UNC13C: variants seen among roughly 807,000 people sequenced by gnomAD.
UNC13C encodes protein unc-13 homolog C.
Under a neutral mutation model 245.4 loss-of-function variants are expected in UNC13C, and 174 were observed. The ratio of observed to expected loss-of-function variants is 0.71; its 90% CI spans 0.63 to 0.80. The LOEUF is 0.80. Among genes scored for constraint, UNC13C ranks in the 30% least tolerant of loss-of-function variants. The probability of loss-of-function intolerance (pLI) is 0.00; values close to 1 mark genes in which losing one functional copy is unlikely to be tolerated. For synonymous variants in UNC13C, 992 were observed against 895.1 expected (o/e 1.11, Z -1.93); for missense variants, 2,829 against 2,602.9 (o/e 1.09, Z -1.89).
At chr15:54,007,717 A>T (rs191728276) in intron 1 of UNC13C, among the ~76,000 whole-genome samples, 6 of 152,180 alleles carry the variant, frequency 3.9e-5, no homozygotes, top group African/African-American at 1.4e-4. Flanking sequence ...CATGGCACAC[A>T]TTTATCTATG....
intron 19 of UNC13C, among the ~76,000 whole-genome samples, chr15:54,419,990 C>A (rs1404383977): frequency 6.6e-6 from 1 of 151,840 alleles, no homozygotes; most frequent in Non-Finnish European, 1.5e-5. Flanking sequence ...TACAACATAC[C>A]CCCTTTCTAG....
intron 2 of UNC13C, among the ~76,000 whole-genome samples, chr15:54,034,144 A>G (rs2141022163): frequency 6.6e-6 from 1 of 152,342 alleles, no homozygotes; most frequent in South Asian, 2.1e-4. Flanking sequence ...CTTTGCCAGC[A>G]GGCTTGTGGT....
the UNC13C span, among the ~76,000 whole-genome samples, chr15:53,845,501 A>T: frequency 6.6e-6 from 1 of 152,144 alleles, no homozygotes; most frequent in Non-Finnish European, 1.5e-5. Context: ...ACAATGTCCT[A>T]TGATATGAAG....
intron 4 of UNC13C, among the ~76,000 whole-genome samples, chr15:54,214,877 C>T (rs1251025486): frequency 6.6e-6 from 1 of 151,822 alleles, no homozygotes; most frequent in African/African-American, 2.4e-5. Context: ...AGAAGTGTGA[C>T]TTAGATGTTT....
intron 17 of UNC13C, among the ~76,000 whole-genome samples, chr15:54,351,186 T>C (rs1467201181): frequency 2.0e-5 from 3 of 152,048 alleles, no homozygotes; most frequent in African/African-American, 7.2e-5. Flanking sequence ...GACTCTAGTA[T>C]TTCCCAAATT....
At chr15:54,572,185 C>T (rs1035194767) in intron 30 of UNC13C, among the ~76,000 whole-genome samples, 7 of 151,970 alleles carry the variant, frequency 4.6e-5, no homozygotes, top group Admixed American at 2.0e-4. Flanking sequence ...GTGCCCTGAC[C>T]TCTATGTACA....
intron 17 of UNC13C, among the ~76,000 whole-genome samples, chr15:54,384,185 G>T (rs559237217): frequency 6.6e-6 from 1 of 152,170 alleles, no homozygotes; most frequent in African/African-American, 2.4e-5. Flanking sequence ...AACAAGTAAA[G>T]AGCTGAAATA....
chr15:53,845,143 G>A, the UNC13C span, among the ~76,000 whole-genome samples: 1 of 151,948 alleles, frequency 6.6e-6, no homozygotes, highest in Admixed American at 6.6e-5. Flanking sequence ...GGCCAATACA[G>A]TGAAACCTCG....
chr15:54,076,036 A>G (rs12440621), intron 2 of UNC13C, among the ~76,000 whole-genome samples: 68,879 of 143,280 alleles, frequency 0.48, 18,096 homozygotes, highest in Non-Finnish European at 0.6. Context: ...GTTCTAGGTC[A>G]CCTCTTTCTG....
chr15:54,528,085 T>C (rs1040367437), intron 25 of UNC13C, among the ~76,000 whole-genome samples: 3 of 152,234 alleles, frequency 2.0e-5, no homozygotes, highest in Non-Finnish European at 4.4e-5. Context: ...TTAAAACTCA[T>C]AATTAAATAA....
chr15:54,028,124 G>A (rs1896194918), intron 2 of UNC13C, among the ~76,000 whole-genome samples: 2 of 152,332 alleles, frequency 1.3e-5, no homozygotes, highest in Middle Eastern at 3.4e-3. Context: ...ACTTACTGTA[G>A]TGAGTGTTGG....
At chr15:54,016,869 T>A (rs1895683772) in intron 2 of UNC13C, among the ~76,000 whole-genome samples, 1 of 152,326 alleles carries the variant, frequency 6.6e-6, no homozygotes, top group African/African-American at 2.4e-5. Flanking sequence ...TTAATTAAGC[T>A]ATTACTCTAC....
Position 54,002,058 on chromosome 15 carries a change from G to T in UNC13C, c.-256-10590G>T, listed in dbSNP as rs564547782. Among the ~76,000 whole-genome samples the T allele has an allele frequency of 2.4e-3, 372 of 152,292 alleles. 2 individuals are homozygous for T. The highest frequency in any genetic ancestry group is 3.2e-3 in the Non-Finnish European group (215 of 68,022). Reference sequence around the variant, plus strand: ...TCCCAACACTTTGGGAGGCCGAGGCGGGTGGATCACGAAGTCAGGAGATCG... The same window carrying T: ...TCCCAACACTTTGGGAGGCCGAGGCTGGTGGATCACGAAGTCAGGAGATCG... On this transcript the variant is annotated intron_variant, in intron 1 of 32. Transcript: ENST00000260323.
At chr15:54,171,548 A>G (rs1031990318) in intron 4 of UNC13C, among the ~76,000 whole-genome samples, 1 of 152,164 alleles carries the variant, frequency 6.6e-6, no homozygotes. Flanking sequence ...CAAAACTACA[A>G]TGTAATATCA....
intron 19 of UNC13C, among the ~76,000 whole-genome samples, chr15:54,423,121 A>C (rs1342360893): frequency 6.6e-6 from 1 of 151,800 alleles, no homozygotes; most frequent in Non-Finnish European, 1.5e-5. Flanking sequence ...AATATATAGC[A>C]TACATATATG....
chr15:54,170,131 T>A (rs907682502), intron 4 of UNC13C, among the ~76,000 whole-genome samples: 5 of 152,044 alleles, frequency 3.3e-5, no homozygotes, highest in Admixed American at 3.3e-4. Flanking sequence ...AGATAAGACC[T>A]TACTCTCACA....
chr15:54,151,726 C>G (rs904273030), intron 4 of UNC13C, among the ~76,000 whole-genome samples: 4 of 152,096 alleles, frequency 2.6e-5, no homozygotes, highest in African/African-American at 9.7e-5. Context: ...ATCAAGATCC[C>G]TTTCAAGCCA....
chr15:54,012,973 A>G lies in UNC13C; in HGVS notation c.70A>G (p.Lys24Glu). 2 of 1,613,814 alleles carry G rather than the reference A, an allele frequency of 1.2e-6. No individual in the cohort carries two copies. The highest frequency in any genetic ancestry group is 1.7e-6 in the Non-Finnish European group (2 of 1,179,808). The change falls in exon 2 of 33, where the codon AAG (lysine) becomes GAG (glutamate). Residue 24 changes from lysine (K) to glutamate (E), a missense_variant. Transcript: ENST00000260323. ...TAAGCTTTGCAAAGGAATGTTTACA[A>G]AGAAATTGGGAAATACAAACAAAAA... Reference protein sequence around the residue: ...IHKLCKGMFTKKLGNTNKNKE... With the variant: ...IHKLCKGMFTEKLGNTNKNKE...
intron 2 of UNC13C, among the ~76,000 whole-genome samples, chr15:54,119,571 A>G (rs1285569257): frequency 2.6e-5 from 4 of 152,116 alleles, no homozygotes; most frequent in East Asian, 3.9e-4. Flanking sequence ...GTAACCCTAC[A>G]TTGGCCTCTG....
Sources: gnomAD v4.1 joint callset for allele counts (sites outside exome capture counted in the v4.1 genomes callset) on GRCh38, gnomAD v4.1.1 for gene constraint, MANE v1.5 for transcripts, NCBI Gene and HGNC (gene_info 2026-07-23, HGNC 2026-07-21) for gene names.